Variants in RAD18 observed in about 807,000 individuals in gnomAD.
The protein encoded by RAD18 is RAD18 E3 ubiquitin protein ligase.
RAD18 carries 47 observed loss-of-function variants against 60.4 expected under a neutral mutation model. That is an observed-to-expected ratio of 0.78 (90% CI 0.62 to 0.99). The LOEUF is 0.99. RAD18 is among the 50% of genes least tolerant of loss of function. The probability of loss-of-function intolerance (pLI) is 0.00; values close to 1 mark genes in which losing one functional copy is unlikely to be tolerated. For synonymous variants in RAD18, 225 were observed against 195.5 expected (o/e 1.15, Z -1.26); for missense variants, 640 against 593.3 (o/e 1.08, Z -0.82).
At chr3:8,922,007 T>C (rs1169717322) in intron 7 of RAD18, among the ~76,000 whole-genome samples, 3 of 152,180 alleles carry the variant, frequency 2.0e-5, no homozygotes, top group Non-Finnish European at 2.9e-5. Flanking sequence ...GCTCTCAGCA[T>C]GAGCGACGCA....
chr3:8,950,940 T>C (rs1263803676), intron 2 of RAD18, among the ~76,000 whole-genome samples: 1 of 151,858 alleles, frequency 6.6e-6, no homozygotes, highest in Admixed American at 6.6e-5. Flanking sequence ...CTTTAGGACA[T>C]GTCAATGGAA....
chr3:8,934,056 A>G (rs1205274102), intron 7 of RAD18, among the ~76,000 whole-genome samples: 3 of 152,106 alleles, frequency 2.0e-5, no homozygotes, highest in Admixed American at 6.5e-5. Context: ...TGGCATTTCA[A>G]TGAGTGGTGC....
chr3:8,912,233 A>G, intron 9 of RAD18, 79 bp downstream of exon 9: 1 of 1,133,062 alleles, frequency 8.8e-7, no homozygotes, highest in Non-Finnish European at 1.3e-6. Flanking sequence ...TTAATATAAA[A>G]CATTATTCTG....
At position 8,942,249 on chromosome 3, in the gene RAD18, C is replaced by CAGTG. The variant is rs1940762799; in HGVS notation, c.267-449_267-446dup. 7.9e-5 allele frequency among the ~76,000 whole-genome samples: 12 copies of CAGTG among 152,270 alleles called. No individual in the cohort carries two copies. The South Asian group carries it at 2.5e-3, about 32-fold the overall frequency. On this transcript the variant is annotated intron_variant, in intron 4 of 12. Coordinates refer to ENST00000264926, the MANE Select transcript of RAD18 (RefSeq NM_020165.4). Reference sequence around the variant, plus strand: ...CATTCCCTTAGTGCTGTCCTTGTAACAGTGAGTGAGTTCTCATGAGATCTG... The same window carrying CAGTG: ...CATTCCCTTAGTGCTGTCCTTGTAACAGTGAGTGAGTGAGTTCTCATGAGATCTG...
intron 1 of RAD18, among the ~76,000 whole-genome samples, chr3:8,959,780 C>T (rs1941066448): frequency 6.6e-6 from 1 of 151,444 alleles, no homozygotes; most frequent in Non-Finnish European, 1.5e-5. Flanking sequence ...AAGGAGGAAG[C>T]TCTCGACGGG....
chr3:8,915,146 T>TTAAAA (rs1940176735), intron 7 of RAD18, among the ~76,000 whole-genome samples: 1 of 20,000 alleles, frequency 5.0e-5, no homozygotes, highest in Non-Finnish European at 1.6e-4. Context: ...AGACTCCGTC[T>TTAAAA]CAAAAAAAAA....
chr3:8,937,971 C>T (rs982492196), intron 6 of RAD18, among the ~76,000 whole-genome samples: 11 of 152,140 alleles, frequency 7.2e-5, no homozygotes, highest in African/African-American at 2.7e-4. Flanking sequence ...TGTATTCGAA[C>T]TGATGGATGG....
At chr3:8,936,578 A>G (rs535716520) in intron 6 of RAD18, among the ~76,000 whole-genome samples, 2 of 152,356 alleles carry the variant, frequency 1.3e-5, no homozygotes, top group South Asian at 4.1e-4. Context: ...TATGGCAATT[A>G]GATGCTTAAC....
At position 8,936,056 on chromosome 3, in the gene RAD18, C is replaced by T. The variant is rs757088605; in HGVS notation, c.705-1G>A. ...CAGCGGCTTCCTTTTGTGAACAGAA[C>T]TGAAAAGGGGGGAAGATACCTGATG... On this transcript the variant is annotated splice_acceptor_variant, in intron 6 of 12. Transcript: ENST00000264926. LOFTEE classifies it high-confidence loss of function. The T allele has an allele frequency of 6.5e-7, 1 of 1,539,660 alleles. No individual in the cohort carries two copies. Among genetic ancestry groups the T allele is most frequent in the Non-Finnish European group, 8.7e-7 (1 of 1,143,226 alleles).
At chr3:8,941,410 T>G (rs190317249) in intron 5 of RAD18, 57 bp downstream of exon 5, 9 of 1,407,358 alleles carry the variant, frequency 6.4e-6, no homozygotes, top group Middle Eastern at 1.8e-4. Context: ...CTATTTATTC[T>G]TATGTCATGT....
chr3:8,913,327 T>A (rs1336321592), intron 8 of RAD18, among the ~76,000 whole-genome samples: 3 of 152,184 alleles, frequency 2.0e-5, no homozygotes, highest in Non-Finnish European at 4.4e-5. Flanking sequence ...AGCAGTAGCT[T>A]AGAGGTCCTT....
rs990226988 is a variant in RAD18 at position 8,922,012 on chromosome 3, G to A, written c.890-8292C>T. Reference sequence around the variant, plus strand: ...CCAGTCTACAGCTCTCAGCATGAGCGACGCAGAAGACGGATGATTTCTGCA... The same window carrying A: ...CCAGTCTACAGCTCTCAGCATGAGCAACGCAGAAGACGGATGATTTCTGCA... On this transcript the variant is annotated intron_variant, in intron 7 of 12. Transcript: ENST00000264926. Among the ~76,000 whole-genome samples, 289 of 152,326 alleles carry A rather than the reference G, an allele frequency of 1.9e-3. 1 individual carries two copies. Among genetic ancestry groups the A allele is most frequent in the Non-Finnish European group, 1.6e-3 (112 of 68,020 alleles).
Position 8,902,394 on chromosome 3 carries a change from G to A in RAD18, c.1154C>T (p.Ser385Phe), listed in dbSNP as rs1291754871. 6.3e-7 allele frequency: 1 copy of A among 1,599,678 alleles called. No homozygotes were observed. The highest frequency in any genetic ancestry group is 8.5e-7 in the Non-Finnish European group (1 of 1,172,990). The change falls in exon 10 of 13, where the codon TCT (serine) becomes TTT (phenylalanine). Residue 385 changes from serine to phenylalanine, a missense_variant. By Grantham distance (155) the Ser-to-Phe change is radical. Coordinates refer to ENST00000264926, the MANE Select transcript of RAD18 (RefSeq NM_020165.4). ...TAGTCTCTTACCCATGCATACAGAA[G>A]ATAGCTTTTCTGTAGATTCATCTTC... ...TKEDESTEKL[S>F]SVCMGQEDNM...
At chr3:8,893,643 T>C (rs1939730078) in intron 11 of RAD18, among the ~76,000 whole-genome samples, 1 of 152,062 alleles carries the variant, frequency 6.6e-6, no homozygotes, top group African/African-American at 2.4e-5. Context: ...TCTGAGCAAC[T>C]ACCTCTACAG....
chr3:8,935,784 A>C, intron 7 of RAD18, 87 bp downstream of exon 7: 1 of 1,211,772 alleles, frequency 8.3e-7, no homozygotes, highest in South Asian at 1.7e-5. Flanking sequence ...ATTTATTTAC[A>C]ATATTTTTCT....
At chr3:8,892,380 A>C (rs1939706402) in intron 11 of RAD18, among the ~76,000 whole-genome samples, 1 of 152,186 alleles carries the variant, frequency 6.6e-6, no homozygotes, top group Non-Finnish European at 1.5e-5. Context: ...AGTGGATATT[A>C]ATATATAGAT....
chr3:8,953,815 CT>C lies in RAD18; in HGVS notation c.133+5104del, dbSNP rs112126286. 1.7e-3 allele frequency among the ~76,000 whole-genome samples: 242 copies of C among 144,412 alleles called. 1 individual carries two copies. The highest frequency in any genetic ancestry group is 0.011 in the Middle Eastern group (3 of 274). 94.7% of individuals were successfully genotyped at this position (144,412 alleles called of 152,430 possible). On this transcript the variant is annotated intron_variant, in intron 2 of 12. Transcript: ENST00000264926. ...ACTATTTTAAAGCTTGGCCAGCAAT[CT>C]TTTTTTTTTTTCCTTTTGTGGATTT...
chr3:8,915,245 G>A (rs1940179209), intron 7 of RAD18, among the ~76,000 whole-genome samples: 1 of 151,828 alleles, frequency 6.6e-6, no homozygotes. Context: ...AGGTTGTAGA[G>A]AGCTATAAAT....
chr3:8,947,363 A>C (rs1011347553), intron 3 of RAD18, 73 bp from the exon 4 acceptor site: 2 of 1,262,558 alleles, frequency 1.6e-6, no homozygotes, highest in Middle Eastern at 3.8e-4. Flanking sequence ...GTTTTTGAAA[A>C]TGTCTGACCC....
Sources: gnomAD v4.1 joint callset for allele counts (sites outside exome capture counted in the v4.1 genomes callset) on GRCh38, gnomAD v4.1.1 for gene constraint, MANE v1.5 for transcripts, NCBI Gene and HGNC (gene_info 2026-07-23, HGNC 2026-07-21) for gene names.